Variants in DDOST observed in about 807,000 individuals in gnomAD.
The protein encoded by DDOST is dolichyl-diphosphooligosaccharide--protein glycosyltransferase 48 kDa subunit.
DDOST carries 25 observed loss-of-function variants against 47.6 expected under a neutral mutation model. The ratio of observed to expected loss-of-function variants is 0.53; its 90% confidence interval spans 0.38 to 0.73. DDOST has a LOEUF of 0.73. Ranked by LOEUF, DDOST falls within the 30% of genes least tolerant of loss-of-function variation. The pLI, the probability that DDOST is intolerant of heterozygous loss-of-function variation, is 0.00. For missense variants in DDOST, 526 were observed against 573.9 expected, an observed-to-expected ratio of 0.92 and a Z score of 0.85; for synonymous variants, 275 against 236.0, an observed-to-expected ratio of 1.17 and a Z score of -1.51.
At chr1:20,655,980 C>T in intron 3 of DDOST, 121 bp downstream of exon 3, 2 of 900,740 alleles carry the variant, frequency 2.2e-6, no homozygotes. Context: ...GAAAACGGTT[C>T]CCTCACTGAC....
At chr1:20,656,274 G>T in intron 2 of DDOST, 87 bp from the exon 3 acceptor site, 1 of 1,027,394 alleles carries the variant, frequency 9.7e-7, no homozygotes, top group Non-Finnish European at 1.5e-6. Flanking sequence ...GAAGGGCAGA[G>T]CAGCCACGAT....
In DDOST at chr1:20,655,499, C is replaced by T; in HGVS notation, c.492G>A (p.Leu164=). Residue 164 remains leucine, a synonymous_variant, in exon 5 of 11, where the codon CTG becomes CTA. Transcript: ENST00000602624. ...ATTTCCCAACGATGGTTGGGGCCTT[C>T]AGCAGGTTCTCAGTGTCAGCCACGA... ...TLIVADTENL[L]KAPTIVGKSS... 1.6e-5 allele frequency: 26 copies of T among 1,614,028 alleles called. No homozygotes were observed. The highest frequency in any genetic ancestry group is 2.0e-5 in the Non-Finnish European group (24 of 1,179,964).
rs377384958 is a variant in DDOST at position 20,652,047 on chromosome 1, G to A, written c.*332C>T. ...TTACCGTGTTAGCCAGGATAGTCTC[G>A]ATCTCCTGACCTCGTGAGCCGCCTG... On this transcript the variant is annotated 3_prime_UTR_variant, in exon 11 of 11. Transcript: ENST00000602624. The A allele has an allele frequency of 4.0e-4, 75 of 187,776 alleles. 1 individual carries two copies. In the South Asian group the frequency reaches 7.1e-3, roughly 18 times the overall value. The allele number at this position is 187,776 out of a possible 1,614,324, so 11.6% of individuals were successfully genotyped here. A position where few individuals can be genotyped will look rare whatever the true frequency, so the allele number is the denominator to read the frequency against.
chr1:20,654,765 G>A (rs780801055), intron 5 of DDOST, 58 bp from the exon 6 acceptor site: 19 of 1,163,128 alleles, frequency 1.6e-5, no homozygotes, highest in Non-Finnish European at 2.1e-5. Context: ...CAAGGACATG[G>A]GATCCCCGAG....
At chr1:20,655,306 C>T (rs1195350728) in intron 5 of DDOST, 134 bp downstream of exon 5, 2 of 651,494 alleles carry the variant, frequency 3.1e-6, no homozygotes, top group South Asian at 1.9e-5. Context: ...CCACTATACT[C>T]GGCCTTGATA....
rs2053431278 is a variant in DDOST at position 20,661,247 on chromosome 1, T to C, written c.104A>G (p.Asp35Gly). ...ATGAGTCTCCCGCACGTTGAGGTTG[T>C]CCAGCAGCACTAAGGTGCGGGGTCC... ...ASGPRTLVLL[D>G]NLNVRETHSL... Residue 35 changes from aspartate to glycine, a missense_variant, in exon 1 of 11, where the codon GAC becomes GGC. Physicochemically the swap from Asp to Gly is moderately conservative, Grantham distance 94. Transcript: ENST00000602624. 9 of 1,614,046 alleles carry C rather than the reference T, an allele frequency of 5.6e-6. No homozygotes were observed. Among genetic ancestry groups the C allele is most frequent in the Non-Finnish European group, 7.6e-6 (9 of 1,180,032 alleles).
At position 20,654,284 on chromosome 1, in the gene DDOST, C is replaced by A; in HGVS notation, c.733G>T (p.Asp245Tyr). Residue 245 changes from aspartate (D) to tyrosine (Y), a missense_variant, in exon 7 of 11, where the codon GAC (aspartate) becomes TAC (tyrosine). Coordinates refer to ENST00000602624, the MANE Select transcript of DDOST (RefSeq NM_005216.5). The stretch of plus-strand genomic sequence containing the variant: ...TTGAAGAAGGAGTCGCTGAAGAAGT[C>A]GAGGGAGCCGCTGAAGATGACGCGG... ...NARVIFSGSL[D>Y]FFSDSFFNSA... 1 of 1,552,190 alleles carries A rather than the reference C, an allele frequency of 6.4e-7. No homozygotes were observed. The highest frequency in any genetic ancestry group is 8.7e-7 in the Non-Finnish European group (1 of 1,147,252).
chr1:20,660,884 C>T lies in DDOST; in HGVS notation c.262G>A (p.Glu88Lys). ...DNLIIFSPSV[E>K]DFGGNINVET... ...AGGGGCGACGCGGAACCCTTACCTT[C>T]TACCGAAGGGGAGAAAATGATGAGA... Residue 88 changes from glutamate (E) to lysine (K), a missense_variant, in exon 2 of 11, where the codon GAA becomes AAA. By Grantham distance (56) the Glu-to-Lys change is moderately conservative. Transcript: ENST00000602624. 1 of 1,591,484 alleles carries T rather than the reference C, an allele frequency of 6.3e-7. No individual in the cohort carries two copies. The highest frequency in any genetic ancestry group is 1.1e-5 in the South Asian group (1 of 90,514).
At chr1:20,654,858 C>CTTGTTT (rs111968990) in intron 5 of DDOST, 151 bp from the exon 6 acceptor site, 4 of 609,798 alleles carry the variant, frequency 6.6e-6, no homozygotes, top group African/African-American at 1.9e-5. Context: ...TGGAGTCTGA[C>CTTGTTT]TTGTTTTTGT....
At chr1:20,653,257 C>G (rs1370385533) in intron 8 of DDOST, among the ~76,000 whole-genome samples, 1 of 152,226 alleles carries the variant, frequency 6.6e-6, no homozygotes, top group African/African-American at 2.4e-5. Context: ...CCCTCCTGCC[C>G]CGACATGTGC....
intron 2 of DDOST, among the ~76,000 whole-genome samples, chr1:20,659,813 G>A (rs1482858532): frequency 6.6e-6 from 1 of 152,190 alleles, no homozygotes; most frequent in East Asian, 1.9e-4. Context: ...AGGAGGCTGA[G>A]GAGGGAGGAT....
rs1234291118 is a variant in DDOST, at chr1:20,652,726, A to C, written c.1065T>G (p.Gly355=). 1 of 1,614,174 alleles carries C rather than the reference A, an allele frequency of 6.2e-7. No individual in the cohort carries two copies. Among genetic ancestry groups the C allele is most frequent in the South Asian group, 1.1e-5 (1 of 91,088 alleles). The part of the protein sequence containing the change: ...PFVRTFLKKK[G]GKYSVQFKLP... ...ACTTGAACTGAACACTGTATTTGCC[A>C]CCTGCGGAAGAACCAACAAGAATAA... Residue 355 remains glycine (G), a splice_region_variant and synonymous_variant, in exon 10 of 11, where the codon GGT becomes GGG. Coordinates refer to ENST00000602624, the MANE Select transcript of DDOST (RefSeq NM_005216.5).
At position 20,652,361 on chromosome 1, in the gene DDOST, G is replaced by A. The variant is rs369696003; in HGVS notation, c.*18C>T. 31 of 1,599,678 alleles carry A rather than the reference G, an allele frequency of 1.9e-5. No homozygotes were observed. The African/African-American group carries it at 2.2e-4, about 11-fold the overall frequency. On this transcript the variant is annotated 3_prime_UTR_variant, in exon 11 of 11. Coordinates refer to ENST00000602624, the MANE Select transcript of DDOST (RefSeq NM_005216.5). ...TCCTTGCCCCGTCTCCACGCTGTGC[G>A]GAGAGGGCTCTAGCCCCTCAGTCGG...
intron 3 of DDOST, 92 bp downstream of exon 3, chr1:20,656,009 C>T (rs552333495): frequency 8.9e-7 from 1 of 1,126,722 alleles, no homozygotes; most frequent in East Asian, 2.3e-5. Context: ...TAAGGCCCAC[C>T]CAGTGAATGC....
At position 20,652,695 on chromosome 1, in the gene DDOST, C is replaced by T. The variant is rs886045864; in HGVS notation, c.1096G>A (p.Asp366Asn). The T allele has an allele frequency of 2.5e-6, 4 of 1,614,066 alleles. No homozygotes were observed. Among genetic ancestry groups the T allele is most frequent in the African/African-American group, 1.3e-5 (1 of 74,920 alleles). Residue 366 changes from aspartate to asparagine, a missense_variant, in exon 10 of 11, where the codon GAC (aspartate) becomes AAC (asparagine). By Grantham distance (23) the Asp-to-Asn change is conservative. Coordinates refer to ENST00000602624, the MANE Select transcript of DDOST (RefSeq NM_005216.5). ...TTAAACTGGAATACACCATACACGTCGGGCAACTTGAACTGAACACTGTAT... is the reference window on the plus strand; with the variant it reads ...TTAAACTGGAATACACCATACACGTTGGGCAACTTGAACTGAACACTGTAT... Reference protein sequence around the residue: ...GKYSVQFKLPDVYGVFQFKVD... With the variant: ...GKYSVQFKLPNVYGVFQFKVD...
At chr1:20,653,363 G>C (rs1021433267) in intron 8 of DDOST, among the ~76,000 whole-genome samples, 1 of 152,146 alleles carries the variant, frequency 6.6e-6, no homozygotes, top group Non-Finnish European at 1.5e-5. Context: ...CCAACTTCCT[G>C]GGCAGAGTTA....
intron 3 of DDOST, 60 bp from the exon 4 acceptor site, chr1:20,655,839 C>T: frequency 7.3e-7 from 1 of 1,373,192 alleles, no homozygotes; most frequent in Non-Finnish European, 1.0e-6. Flanking sequence ...GGCCAAGTGT[C>T]CTTGGCTTCC....
rs1249395323 is a variant in DDOST at position 20,653,205 on chromosome 1, TCA to T, written c.943-236_943-235del. On this transcript the variant is annotated intron_variant, in intron 8 of 10. Transcript: ENST00000602624. The stretch of plus-strand genomic sequence containing the variant: ...CTCTTCTCTGAAGGCCTAGATTCCT[TCA>T]CACAGTATTCATGGCCCATCAAAGT... 6.8e-6 allele frequency: 4 copies of T among 586,804 alleles called. No individual in the cohort carries two copies. The African/African-American group carries it at 7.4e-5, about 11-fold the overall frequency. The allele number at this position is 586,804 out of a possible 1,614,324, so 36.3% of individuals were successfully genotyped here.
chr1:20,661,145 G>C, intron 1 of DDOST, 52 bp downstream of exon 1: 1 of 1,581,454 alleles, frequency 6.3e-7, no homozygotes, highest in Non-Finnish European at 8.7e-7. Context: ...TGCCCTCGAT[G>C]CTGTACCAAC....
Sources: allele counts gnomAD v4.1 joint callset (sites outside exome capture counted in the v4.1 genomes callset), GRCh38; gene constraint gnomAD v4.1.1; transcripts MANE v1.5; gene names NCBI Gene and HGNC (gene_info 2026-07-23, HGNC 2026-07-21).